Variants in PPP2R2B observed in about 807,000 individuals in gnomAD.
PPP2R2B encodes the protein serine/threonine-protein phosphatase 2A 55 kDa regulatory subunit B beta isoform.
A neutral mutation model predicts 46.0 loss-of-function variants in PPP2R2B; 5 were observed. The observed-to-expected ratio is 0.11, with a 90% CI of 0.06 to 0.23. The LOEUF (loss-of-function observed/expected upper bound fraction) is 0.23, where lower values mean the gene tolerates loss of function less well. Ranked by LOEUF, PPP2R2B falls within the 10% of genes least tolerant of loss-of-function variation. The probability of loss-of-function intolerance (pLI) is 1.00; values close to 1 mark genes in which losing one functional copy is unlikely to be tolerated. For synonymous variants in PPP2R2B, 215 were observed against 206.7 expected (o/e 1.04, Z -0.34); for missense variants, 367 against 575.0 (o/e 0.64, Z 3.70).
intron 1 of PPP2R2B, among the ~76,000 whole-genome samples, chr5:147,042,081 C>T (rs142481790): frequency 0.026 from 3,960 of 152,178 alleles, 198 homozygotes; most frequent in African/African-American, 0.089. Context: ...GGAATTCGTC[C>T]GATTGATAAC....
At chr5:146,880,287 CTT>C (rs1762124371), upstream of PPP2R2B, among the ~76,000 whole-genome samples, 1 of 150,756 alleles carries the variant, frequency 6.6e-6, no homozygotes, top group African/African-American at 2.4e-5. Context: ...GTGCTTAAGA[CTT>C]ATACACTTGT....
chr5:146,805,956 T>C (rs994561536), intron 2 of PPP2R2B, among the ~76,000 whole-genome samples: 6 of 152,186 alleles, frequency 3.9e-5, no homozygotes, highest in African/African-American at 1.4e-4. Flanking sequence ...CCTAGAAAAG[T>C]GTCAAATCCC....
chr5:146,892,580 C>CA (rs1455945346), intron 1 of PPP2R2B, among the ~76,000 whole-genome samples: 2 of 152,122 alleles, frequency 1.3e-5, no homozygotes, highest in African/African-American at 2.4e-5. Flanking sequence ...TTACCCCTTC[C>CA]AAGCCACGCT....
At chr5:147,044,223 T>A (rs1756446677) in intron 1 of PPP2R2B, among the ~76,000 whole-genome samples, 1 of 152,040 alleles carries the variant, frequency 6.6e-6, no homozygotes, top group Non-Finnish European at 1.5e-5. Context: ...GTTTCTTATT[T>A]AGTAGTTCTA....
chr5:146,807,785 T>C (rs1757274108), intron 2 of PPP2R2B, among the ~76,000 whole-genome samples: 1 of 75,120 alleles, frequency 1.3e-5, no homozygotes, highest in African/African-American at 7.7e-5. Context: ...TCTTTTTTTT[T>C]TTTTTTTTTT....
At chr5:147,072,260 G>C (rs1402901268) in intron 2 of PPP2R2B, among the ~76,000 whole-genome samples, 4 of 152,196 alleles carry the variant, frequency 2.6e-5, no homozygotes, top group African/African-American at 9.7e-5. Context: ...TGGGTTATAA[G>C]ATGTATATGA....
At chr5:147,079,271 C>T (rs1281223484) in intron 2 of PPP2R2B, among the ~76,000 whole-genome samples, 1 of 150,474 alleles carries the variant, frequency 6.6e-6, no homozygotes, top group Non-Finnish European at 1.5e-5. Context: ...ATCTGCTCTC[C>T]CATGTTTATT....
At chr5:146,842,257 T>C (rs904655971) in intron 2 of PPP2R2B, among the ~76,000 whole-genome samples, 7 of 152,208 alleles carry the variant, frequency 4.6e-5, no homozygotes, top group Non-Finnish European at 1.0e-4. Context: ...TATGGCCTGC[T>C]GTACATTTAC....
At chr5:146,898,630 T>G (rs1762725010) in intron 1 of PPP2R2B, among the ~76,000 whole-genome samples, 1 of 145,022 alleles carries the variant, frequency 6.9e-6, no homozygotes, top group Admixed American at 7.0e-5. Context: ...AAATGGGATC[T>G]AATTAAACTA....
chr5:147,007,736 C>T lies in PPP2R2B; in HGVS notation c.79+47929G>A, dbSNP rs563711176. Among the ~76,000 whole-genome samples, 73 of 152,172 alleles carry T rather than the reference C, an allele frequency of 4.8e-4. 3 individuals carry two copies. The Middle Eastern group carries it at 0.038, about 79-fold the overall frequency. On this transcript the variant is annotated intron_variant, in intron 1 of 8. Coordinates refer to the PPP2R2B transcript ENST00000336640. ...ACCCACCAGAAGGAAGAAACAACTC[C>T]GGATGTGCCATCTTTAAGAGCTGTA...
At chr5:146,683,558 T>G (rs1372641017) in intron 5 of PPP2R2B, among the ~76,000 whole-genome samples, 1 of 152,220 alleles carries the variant, frequency 6.6e-6, no homozygotes, top group Non-Finnish European at 1.5e-5. Context: ...TCTTGGAACA[T>G]TAGCATAAAT....
chr5:146,943,141 T>C (rs760738178), intron 1 of PPP2R2B, among the ~76,000 whole-genome samples: 9 of 152,168 alleles, frequency 5.9e-5, no homozygotes, highest in Non-Finnish European at 1.2e-4. Flanking sequence ...TTGATAAATT[T>C]CTAATTCTGA....
At chr5:146,836,086 T>C (rs1010447221) in intron 2 of PPP2R2B, among the ~76,000 whole-genome samples, 2 of 152,190 alleles carry the variant, frequency 1.3e-5, no homozygotes, top group African/African-American at 2.4e-5. Context: ...TCAATAAATA[T>C]TACTTTATCT....
intron 6 of PPP2R2B, among the ~76,000 whole-genome samples, chr5:146,640,310 G>A (rs944426589): frequency 2.6e-5 from 4 of 152,122 alleles, no homozygotes; most frequent in African/African-American, 4.8e-5. Context: ...TTGGGTCTCC[G>A]GGGCATGTGA....
intron 7 of PPP2R2B, among the ~76,000 whole-genome samples, chr5:146,604,693 A>G (rs932945791): frequency 6.6e-6 from 1 of 152,198 alleles, no homozygotes; most frequent in Non-Finnish European, 1.5e-5. Flanking sequence ...TTTAATGCTC[A>G]AACTTCTAAG....
chr5:146,890,402 T>C (rs193251403), intron 1 of PPP2R2B, among the ~76,000 whole-genome samples: 3 of 152,334 alleles, frequency 2.0e-5, no homozygotes, highest in Admixed American at 2.0e-4. Context: ...TACACCATCA[T>C]GGTTTGCCAC....
At chr5:146,918,304 T>C (rs900343167) in intron 1 of PPP2R2B, 3 of 152,186 alleles carry the variant, frequency 2.0e-5, no homozygotes, top group African/African-American at 7.2e-5. Flanking sequence ...TTTCAGGATT[T>C]CCATGTTTGC....
At chr5:146,706,597 G>T in intron 2 of PPP2R2B, 1 of 819,830 alleles carries the variant, frequency 1.2e-6, no homozygotes, top group Non-Finnish European at 2.1e-6. Context: ...TTAATGACCA[G>T]CTCCCTGCGC....
chr5:146,790,460 G>T (rs1221111774), intron 2 of PPP2R2B, among the ~76,000 whole-genome samples: 1 of 152,190 alleles, frequency 6.6e-6, no homozygotes, highest in African/African-American at 2.4e-5. Context: ...CTGGGGGGTT[G>T]GCACGGGTGA....
Sources: gnomAD v4.1 joint callset for allele counts (sites outside exome capture counted in the v4.1 genomes callset) on GRCh38, gnomAD v4.1.1 for gene constraint, MANE v1.5 for transcripts, NCBI Gene and HGNC (gene_info 2026-07-23, HGNC 2026-07-21) for gene names.